AGBL1: variants seen among roughly 807,000 people sequenced by gnomAD.
The protein encoded by AGBL1 is AGBL carboxypeptidase 1, also known as cytosolic carboxypeptidase 4.
AGBL1 carries 130 observed loss-of-function variants against 118.9 expected under a neutral mutation model. That is an observed-to-expected ratio of 1.09 (90% CI 0.95 to 1.26). The LOEUF (loss-of-function observed/expected upper bound fraction) is 1.26. Ranked by LOEUF, AGBL1 falls within the 50% of genes most tolerant of loss-of-function variation. AGBL1 has a pLI of 0.00. For synonymous variants in AGBL1, 555 were observed against 478.9 expected (o/e 1.16, Z -2.08); for missense variants, 1,584 against 1,298.1 (o/e 1.22, Z -3.38).
At chr15:86,789,954 T>C (rs1459550650) in intron 22 of AGBL1, among the ~76,000 whole-genome samples, 2 of 152,202 alleles carry the variant, frequency 1.3e-5, no homozygotes, top group Non-Finnish European at 2.9e-5. Flanking sequence ...GTCAGTAACA[T>C]ATACACTGTC....
At chr15:86,260,980 G>A (rs1175611026) in intron 9 of AGBL1, among the ~76,000 whole-genome samples, 2 of 152,200 alleles carry the variant, frequency 1.3e-5, no homozygotes, top group South Asian at 2.1e-4. Context: ...AACTTTGAAG[G>A]CAGAAATGGT....
At chr15:86,436,990 G>T (rs928500322) in intron 18 of AGBL1, among the ~76,000 whole-genome samples, 2 of 151,000 alleles carry the variant, frequency 1.3e-5, no homozygotes, top group Admixed American at 6.6e-5. Flanking sequence ...AGACGGATTT[G>T]AGCAGGACTT....
chr15:86,332,901 C>T (rs1029197824), intron 17 of AGBL1, among the ~76,000 whole-genome samples: 21 of 152,286 alleles, frequency 1.4e-4, no homozygotes, highest in Admixed American at 5.2e-4. Context: ...TCAAAAACCA[C>T]ACAATTACAT....
rs151171856 is a variant in AGBL1 at position 86,489,599 on chromosome 15, C to T, written c.2556-33211C>T. Among the ~76,000 whole-genome samples, 243 of 152,236 alleles carry T rather than the reference C, an allele frequency of 1.6e-3. 4 individuals are homozygous for T. The South Asian group carries it at 0.027, about 17-fold the overall frequency. On this transcript the variant is annotated intron_variant, in intron 18 of 22. Coordinates refer to ENST00000614907, the MANE Select transcript of AGBL1 (RefSeq NM_001386094.1). ...TCAGGGGTCAGTAAACTGTGGCCCA[C>T]GAACCAAATCTGTCCTATCCCCTAT...
In AGBL1 at chr15:86,267,638, T is replaced by C. The variant is rs140934374; in HGVS notation, c.1838+562T>C. ...CAGATGAGCTCTCAGTAGAAAAGGA[T>C]ATCCTAGCCAAGGAAAGCCTAGGGC... On this transcript the variant is annotated intron_variant, in intron 13 of 22. Transcript: ENST00000614907. Among the ~76,000 whole-genome samples, 844 of 152,272 alleles carry C rather than the reference T, an allele frequency of 5.5e-3. 5 individuals carry two copies. Among genetic ancestry groups the C allele is most frequent in the African/African-American group, 0.02 (816 of 41,542 alleles).
chr15:86,441,741 A>G (rs1194618109), intron 18 of AGBL1, among the ~76,000 whole-genome samples: 2 of 152,234 alleles, frequency 1.3e-5, no homozygotes, highest in African/African-American at 4.8e-5. Flanking sequence ...GTCCATTACC[A>G]GAGATGAATG....
At chr15:86,436,916 ACT>A (rs2082006960) in intron 18 of AGBL1, among the ~76,000 whole-genome samples, 1 of 152,020 alleles carries the variant, frequency 6.6e-6, no homozygotes, top group Non-Finnish European at 1.5e-5. Context: ...ATGTTTCAAG[ACT>A]CTGTAACTCA....
intron 22 of AGBL1, among the ~76,000 whole-genome samples, chr15:86,838,560 G>T (rs571110368): frequency 6.6e-6 from 1 of 152,268 alleles, no homozygotes; most frequent in South Asian, 2.1e-4. Context: ...TGGGTTCTCA[G>T]ATTTTGGGGT....
intron 22 of AGBL1, among the ~76,000 whole-genome samples, chr15:86,833,521 C>T (rs919066529): frequency 2.0e-5 from 3 of 152,062 alleles, no homozygotes; most frequent in African/African-American, 7.2e-5. Context: ...CCTTTTGCCT[C>T]CAGTCATGAT....
At chr15:86,677,885 A>G (rs8025744) in intron 22 of AGBL1, among the ~76,000 whole-genome samples, 53,065 of 152,086 alleles carry the variant, frequency 0.35, 9,778 homozygotes, top group East Asian at 0.6. Flanking sequence ...GAGAAAATGA[A>G]ATTAGGAAGA....
chr15:86,965,025 C>G (rs1567262823), intron 23 of AGBL1, among the ~76,000 whole-genome samples: 1 of 152,162 alleles, frequency 6.6e-6, no homozygotes, highest in Non-Finnish European at 1.5e-5. Flanking sequence ...TTTATCCAGT[C>G]TATCACTGTT....
chr15:86,867,384 G>A (rs2079647766), intron 22 of AGBL1, among the ~76,000 whole-genome samples: 1 of 152,162 alleles, frequency 6.6e-6, no homozygotes, highest in African/African-American at 2.4e-5. Context: ...TACTAGGTAG[G>A]AGAGAATAAC....
chr15:86,496,226 A>T (rs2142152051), intron 18 of AGBL1, among the ~76,000 whole-genome samples: 1 of 152,066 alleles, frequency 6.6e-6, no homozygotes, highest in East Asian at 1.9e-4. Flanking sequence ...CCTCCTTCAC[A>T]CTTGCTCTCT....
At position 86,809,672 on chromosome 15, in the gene AGBL1, T is replaced by C. The variant is rs1423212901; in HGVS notation, c.3159-97415T>C. On this transcript the variant is annotated intron_variant, in intron 22 of 22. Coordinates refer to ENST00000614907, the MANE Select transcript of AGBL1 (RefSeq NM_001386094.1). ...GGAATTAAGGGAAGAATGTGTCAAG[T>C]TGGGGAACTTCCAATCATATTGGGT... 2.6e-5 allele frequency among the ~76,000 whole-genome samples: 4 copies of C among 152,306 alleles called. No individual in the cohort carries two copies. The East Asian group carries it at 7.7e-4, about 29-fold the overall frequency.
intron 3 of AGBL1, among the ~76,000 whole-genome samples, chr15:86,145,564 G>C (rs2077022318): frequency 6.6e-6 from 1 of 152,208 alleles, no homozygotes; most frequent in African/African-American, 2.4e-5. Flanking sequence ...CAAATGCCCA[G>C]GGGGTCTGGA....
At chr15:86,785,938 G>A (rs2078405813) in intron 22 of AGBL1, among the ~76,000 whole-genome samples, 1 of 152,098 alleles carries the variant, frequency 6.6e-6, no homozygotes, top group East Asian at 1.9e-4. Context: ...ACTGGAGATG[G>A]GAAGTGATTT....
intron 22 of AGBL1, among the ~76,000 whole-genome samples, chr15:86,677,804 G>GA (rs200119545): frequency 4.6e-5 from 7 of 151,490 alleles, no homozygotes; most frequent in Admixed American, 2.0e-4. Flanking sequence ...ATAGATATTA[G>GA]AAAAAAAAGT....
chr15:86,649,712 C>T (rs2437787), intron 21 of AGBL1, among the ~76,000 whole-genome samples: 118,314 of 143,582 alleles, frequency 0.82, 47,647 homozygotes, highest in East Asian at 0.96. Context: ...GGTTTTTTTT[C>T]TTTTTACATA....
At chr15:86,653,343 G>A (rs1021769641) in intron 21 of AGBL1, among the ~76,000 whole-genome samples, 1 of 152,150 alleles carries the variant, frequency 6.6e-6, no homozygotes, top group Non-Finnish European at 1.5e-5. Context: ...GCCACCCGGA[G>A]TACAAGATGC....
Sources: gnomAD v4.1 joint callset for allele counts (sites outside exome capture counted in the v4.1 genomes callset) on GRCh38, gnomAD v4.1.1 for gene constraint, MANE v1.5 for transcripts, NCBI Gene and HGNC (gene_info 2026-07-23, HGNC 2026-07-21) for gene names.